Variants in MRTFB observed in about 807,000 individuals in gnomAD.
MRTFB encodes myocardin-related transcription factor B.
MRTFB carries 29 observed loss-of-function variants against 104.2 expected under a neutral mutation model. The observed-to-expected ratio is 0.28, with a 90% CI of 0.21 to 0.38. MRTFB has a LOEUF of 0.38. Among genes scored for constraint, MRTFB ranks in the 10% least tolerant of loss-of-function variants. The probability of loss-of-function intolerance (pLI) is 1.00; values close to 1 mark genes in which losing one functional copy is unlikely to be tolerated. For synonymous variants in MRTFB, 535 were observed against 519.5 expected (o/e 1.03, Z -0.41); for missense variants, 1,270 against 1,341.6 (o/e 0.95, Z 0.83).
intron 2 of MRTFB, among the ~76,000 whole-genome samples, chr16:14,092,222 A>G (rs2141979487): frequency 6.6e-6 from 1 of 152,276 alleles, no homozygotes; most frequent in South Asian, 2.1e-4. Context: ...AGAAACCCTG[A>G]GAGGACAGGG....
chr16:14,230,881 C>G (rs942342027), intron 8 of MRTFB, among the ~76,000 whole-genome samples: 14 of 151,142 alleles, frequency 9.3e-5, no homozygotes, highest in African/African-American at 3.4e-4. Context: ...TTGGAACCAA[C>G]CCAAATGTCC....
chr16:14,029,239 G>A, the MRTFB span, among the ~76,000 whole-genome samples: 6 of 151,348 alleles, frequency 4.0e-5, no homozygotes, highest in Non-Finnish European at 5.9e-5. Flanking sequence ...CCAGGAGGTC[G>A]AAGCTGCAGT....
the MRTFB span, among the ~76,000 whole-genome samples, chr16:14,044,217 C>G: frequency 6.6e-6 from 1 of 152,170 alleles, no homozygotes; most frequent in Non-Finnish European, 1.5e-5. Context: ...TGATCCTCAC[C>G]TAGGTTCTCC....
intron 2 of MRTFB, among the ~76,000 whole-genome samples, chr16:14,112,441 G>T (rs1175578791): frequency 6.6e-6 from 1 of 152,178 alleles, no homozygotes; most frequent in East Asian, 1.9e-4. Context: ...AGAGTGGTTT[G>T]GAAACAACAG....
At chr16:14,099,750 C>CTCCG (rs1367319293) in intron 2 of MRTFB, among the ~76,000 whole-genome samples, 1 of 151,702 alleles carries the variant, frequency 6.6e-6, no homozygotes, top group Non-Finnish European at 1.5e-5. Context: ...TCACTGCAGC[C>CTCCG]TCCGCCTCCT....
At position 14,266,303 on chromosome 16, in the gene MRTFB, TC is replaced by T. The variant is rs754130161; in HGVS notation, c.*4860del. 9 of 152,232 alleles carry T rather than the reference TC, an allele frequency of 5.9e-5. No individual in the cohort carries two copies. The highest frequency in any genetic ancestry group is 4.6e-4 in the Admixed American group (7 of 15,284). The allele number at this position is 152,232 out of a possible 1,614,324, so 9.4% of individuals were successfully genotyped here. The stretch of plus-strand genomic sequence containing the variant: ...TTCAGTAGTAATACAAAGTTTTTTT[TC>T]TATGTAGAAATTAGTTTTCTTTTCT... On this transcript the variant is annotated 3_prime_UTR_variant, in exon 17 of 17. Coordinates refer to ENST00000571589, the MANE Select transcript of MRTFB (RefSeq NM_001308142.2).
chr16:14,112,225 GA>G (rs1567335935), intron 2 of MRTFB, among the ~76,000 whole-genome samples: 1 of 152,202 alleles, frequency 6.6e-6, no homozygotes, highest in Non-Finnish European at 1.5e-5. Context: ...GTGGTGTGGA[GA>G]CCCCGGTGGG....
chr16:14,036,894 C>A, the MRTFB span, among the ~76,000 whole-genome samples: 14 of 152,124 alleles, frequency 9.2e-5, no homozygotes, highest in African/African-American at 3.1e-4. Context: ...CAGCTTTCCC[C>A]TTTTCATTAT....
chr16:14,001,443 A>C, the MRTFB span, among the ~76,000 whole-genome samples: 4 of 152,330 alleles, frequency 2.6e-5, no homozygotes, highest in African/African-American at 9.6e-5. Context: ...GCCTCTTTGC[A>C]TCTCACTACC....
At chr16:14,170,367 C>T (rs971911575) in intron 3 of MRTFB, 3 of 152,154 alleles carry the variant, frequency 2.0e-5, no homozygotes, top group Non-Finnish European at 2.9e-5. Flanking sequence ...AGAGAGGTTC[C>T]CTTGCAACCA....
At chr16:14,017,712 T>TATATATATATATATATATATATA in the MRTFB span, among the ~76,000 whole-genome samples, 80 of 9,914 alleles carry the variant, frequency 8.1e-3, 2 homozygotes, top group Non-Finnish European at 0.015. Context: ...TATATATATA[T>TATATATATATATATATATATATA]TTTTTTTTTT....
chr16:14,125,701 T>C (rs1009287180), intron 2 of MRTFB, among the ~76,000 whole-genome samples: 3 of 152,240 alleles, frequency 2.0e-5, no homozygotes, highest in African/African-American at 7.2e-5. Flanking sequence ...GCTTTTCTTA[T>C]TTGGCAAATG....
At chr16:14,088,600 A>C (rs950010453) in intron 2 of MRTFB, among the ~76,000 whole-genome samples, 1 of 152,190 alleles carries the variant, frequency 6.6e-6, no homozygotes, top group Non-Finnish European at 1.5e-5. Flanking sequence ...AATGCTCTTC[A>C]TCATCAACTC....
intron 8 of MRTFB, among the ~76,000 whole-genome samples, chr16:14,220,274 C>A (rs958605873): frequency 6.6e-6 from 1 of 152,202 alleles, no homozygotes; most frequent in Non-Finnish European, 1.5e-5. Flanking sequence ...GTCAAGTATG[C>A]AAGTAGATAC....
intron 3 of MRTFB, among the ~76,000 whole-genome samples, chr16:14,164,071 CTT>C (rs2039141259): frequency 1.3e-5 from 2 of 152,164 alleles, no homozygotes; most frequent in South Asian, 4.1e-4. Flanking sequence ...CACATCCTCT[CTT>C]CTAACTATTT....
chr16:14,058,416 AGTCCAATTCTTCCTCATGAGCCGGGCAAT>A, the MRTFB span, among the ~76,000 whole-genome samples: 12,236 of 152,168 alleles, frequency 0.08, 861 homozygotes, highest in East Asian at 0.37. Flanking sequence ...GCTGGAATTT[AGTCCAATTCTTCCTCATGAGCCGGGCAAT>A]GTACCCAAGT....
chr16:14,070,781 T>G (rs1448680354), upstream of MRTFB, among the ~76,000 whole-genome samples: 1 of 152,150 alleles, frequency 6.6e-6, no homozygotes, highest in Non-Finnish European at 1.5e-5. Flanking sequence ...GGTGCAGAAA[T>G]GGGTTTTGGG....
Position 14,264,319 on chromosome 16 carries a change from TAGTC to T in MRTFB, c.*2878_*2881del, listed in dbSNP as rs143138338. On this transcript the variant is annotated 3_prime_UTR_variant, in exon 17 of 17. Transcript: ENST00000571589. ...GCCTTACCTTTCTGCTGTATGTAGA[TAGTC>T]AGATCATCCTACTGGGGGTGGGATG... The T allele has an allele frequency of 1.9e-4, 29 of 152,338 alleles. No homozygotes were observed. The East Asian group carries it at 4.8e-3, about 25-fold the overall frequency. 9.4% of individuals were successfully genotyped at this position (152,338 alleles called of 1,614,324 possible).
chr16:14,245,815 C>G (rs564062622), intron 11 of MRTFB, among the ~76,000 whole-genome samples, 155 bp downstream of exon 11: 2 of 152,344 alleles, frequency 1.3e-5, no homozygotes, highest in East Asian at 3.9e-4. Context: ...CTTTTTACTT[C>G]CACTAAGTTT....
Sources: allele counts gnomAD v4.1 joint callset (sites outside exome capture counted in the v4.1 genomes callset), GRCh38; gene constraint gnomAD v4.1.1; transcripts MANE v1.5; gene names NCBI Gene and HGNC (gene_info 2026-07-23, HGNC 2026-07-21).